The following ZKSCAN3 variants were observed in gnomAD, a reference collection of about 807,000 sequenced individuals.
The protein encoded by ZKSCAN3 is zinc finger protein with KRAB and SCAN domains 3.
In ZKSCAN3, 21 loss-of-function variants were observed where a neutral mutation model predicts 30.7. The ratio of observed to expected loss-of-function variants is 0.68; its 90% CI spans 0.49 to 0.99. The LOEUF (loss-of-function observed/expected upper bound fraction) is 0.99. ZKSCAN3 is among the 50% of genes least tolerant of loss of function. The pLI, the probability that ZKSCAN3 is intolerant of heterozygous loss-of-function variation, is 0.00. For missense variants in ZKSCAN3, 507 were observed against 647.1 expected, an observed-to-expected ratio of 0.78 and a Z score of 2.35; for synonymous variants, 201 against 246.7, an observed-to-expected ratio of 0.81 and a Z score of 1.73.
At chr6:28,356,719 C>T (rs1289499416) in intron 1 of ZKSCAN3, among the ~76,000 whole-genome samples, 1 of 152,244 alleles carries the variant, frequency 6.6e-6, no homozygotes, top group Non-Finnish European at 1.5e-5. Context: ...TTGGCAAAGG[C>T]ACACTCCTTC....
rs1335915742 is a variant in ZKSCAN3, at chr6:28,363,682, A to G, written c.634-10A>G. The G allele has an allele frequency of 3.1e-6, 5 of 1,613,808 alleles. No individual in the cohort carries two copies. Among genetic ancestry groups the G allele is most frequent in the South Asian group, 1.1e-5 (1 of 91,066 alleles). ...AGCCCCTTCTTCAATGGGATTACCTATTGTTTTAGGGGTTGTTGAAAGTGG... is the reference window on the plus strand; with the variant it reads ...AGCCCCTTCTTCAATGGGATTACCTGTTGTTTTAGGGGTTGTTGAAAGTGG... On this transcript the variant is annotated splice_polypyrimidine_tract_variant and intron_variant, in intron 4 of 5. Transcript: ENST00000252211.
chr6:28,358,601 A>G (rs1765573512), intron 1 of ZKSCAN3, among the ~76,000 whole-genome samples: 1 of 152,140 alleles, frequency 6.6e-6, no homozygotes, highest in East Asian at 1.9e-4. Flanking sequence ...TTAAAACAAA[A>G]TCTGGGCTGC....
rs1351551065 is a variant in ZKSCAN3, at chr6:28,367,425, C to T, written c.*1140C>T. The stretch of plus-strand genomic sequence containing the variant: ...CTCACCCTCTCAAGTACTGGAATTA[C>T]AGGCGTGAGCCACCATACCCAGCCC... On this transcript the variant is annotated 3_prime_UTR_variant, in exon 6 of 6. Coordinates refer to ENST00000252211, the MANE Select transcript of ZKSCAN3 (RefSeq NM_024493.4). The T allele has an allele frequency of 1.3e-5, 2 of 149,944 alleles. No homozygotes were observed. Among genetic ancestry groups the T allele is most frequent in the Non-Finnish European group, 1.5e-5 (1 of 67,710 alleles). 9.3% of individuals were successfully genotyped at this position (149,944 alleles called of 1,614,324 possible).
chr6:28,351,101 A>C lies in ZKSCAN3; in HGVS notation c.-63+1034A>C, dbSNP rs1046699909. ...GGGTTAGCTCTTTCATAGACTTGTA[A>C]CTCTTTTCTGTTAATGAGAAACTTT... On this transcript the variant is annotated intron_variant, in intron 1 of 5. Transcript: ENST00000252211. This position sits in a 1 kb window ranked among gnomAD's most constrained non-coding sequence, Gnocchi z 4.6. 2.0e-5 allele frequency among the ~76,000 whole-genome samples: 3 copies of C among 151,896 alleles called. No homozygotes were observed. The highest frequency in any genetic ancestry group is 7.3e-5 in the African/African-American group (3 of 41,338).
chr6:28,365,954 G>T lies in ZKSCAN3; in HGVS notation c.1286G>T (p.Ser429Ile). ...ACTGGGGAGAAGCCGTATCAGTGCA[G>T]TATGTGTGGCAAAGCCTTTAGGCGA... ...IHTGEKPYQC[S>I]MCGKAFRRSS... Residue 429 changes from serine (S) to isoleucine (I), a missense_variant, in exon 6 of 6, where the codon AGT becomes ATT. By Grantham distance (142) the Ser-to-Ile change is moderately radical. Transcript: ENST00000252211. The T allele has an allele frequency of 6.2e-7, 1 of 1,614,080 alleles. No individual in the cohort carries two copies. The highest frequency in any genetic ancestry group is 1.1e-5 in the South Asian group (1 of 91,076).
At chr6:28,360,027 G>C in intron 2 of ZKSCAN3, 39 bp downstream of exon 2, 1 of 1,614,182 alleles carries the variant, frequency 6.2e-7, no homozygotes, top group South Asian at 1.1e-5. Flanking sequence ...GCTGTGGCCT[G>C]TTTCCTCCTG....
At chr6:28,359,353 G>A (rs1012398895) in intron 1 of ZKSCAN3, among the ~76,000 whole-genome samples, 172 bp from the exon 2 acceptor site, 1 of 152,058 alleles carries the variant, frequency 6.6e-6, no homozygotes, top group Non-Finnish European at 1.5e-5. Context: ...ACATCCTTTG[G>A]GAACCTTACT....
intron 1 of ZKSCAN3, among the ~76,000 whole-genome samples, chr6:28,353,682 A>T (rs997725224): frequency 2.6e-5 from 4 of 152,188 alleles, no homozygotes; most frequent in African/African-American, 7.2e-5. Flanking sequence ...CAGGATAGGG[A>T]TCAGGAGTCT....
intron 1 of ZKSCAN3, among the ~76,000 whole-genome samples, chr6:28,358,899 G>GAAAAAAAAAAAAAAAAAA (rs201554097): frequency 9.4e-6 from 1 of 106,076 alleles, no homozygotes. Flanking sequence ...AAACAAATAA[G>GAAAAAAAAAAAAAAAAAA]AAAAAAAAAA....
At chr6:28,362,746 A>G (rs1292496110) in intron 3 of ZKSCAN3, among the ~76,000 whole-genome samples, 1 of 152,186 alleles carries the variant, frequency 6.6e-6, no homozygotes, top group South Asian at 2.1e-4. Flanking sequence ...TTGAATTTCC[A>G]TACGTTGTAT....
At chr6:28,360,438 G>T in intron 2 of ZKSCAN3, 1 of 410,276 alleles carries the variant, frequency 2.4e-6, no homozygotes, top group Non-Finnish European at 3.3e-6. Flanking sequence ...ATTCATAATT[G>T]GAAGGAAATG....
In ZKSCAN3 at chr6:28,367,575, A is replaced by T. The variant is rs903545850; in HGVS notation, c.*1290A>T. 4 of 152,222 alleles carry T rather than the reference A, an allele frequency of 2.6e-5. No homozygotes were observed. Among genetic ancestry groups the T allele is most frequent in the African/African-American group, 9.6e-5 (4 of 41,452 alleles). 9.4% of individuals were successfully genotyped at this position (152,222 alleles called of 1,614,324 possible). A position where few individuals can be genotyped will look rare whatever the true frequency, so the allele number is the denominator to read the frequency against. On this transcript the variant is annotated 3_prime_UTR_variant, in exon 6 of 6. Coordinates refer to ENST00000252211, the MANE Select transcript of ZKSCAN3 (RefSeq NM_024493.4). ...TGAATATTCTAATGCTCAGTATCTT[A>T]GTTCTCTCGGGCCTAACCAATGCCT...
intron 1 of ZKSCAN3, among the ~76,000 whole-genome samples, chr6:28,352,971 TTTTTTTTTTTG>T (rs1765156008): frequency 6.9e-6 from 1 of 145,150 alleles, no homozygotes; most frequent in African/African-American, 2.8e-5. Flanking sequence ...TTTCTTTTTT[TTTTTTTTTTTG>T]AGGCAGAGTC....
At chr6:28,364,536 G>A (rs1174923054) in intron 5 of ZKSCAN3, among the ~76,000 whole-genome samples, 2 of 152,182 alleles carry the variant, frequency 1.3e-5, no homozygotes, top group Non-Finnish European at 2.9e-5. Flanking sequence ...CAGAGATGAA[G>A]GTGCAGAGGC....
In ZKSCAN3 at chr6:28,365,933, G is replaced by A; in HGVS notation, c.1265G>A (p.Gly422Glu). Residue 422 changes from glycine (G) to glutamate (E), a missense_variant, in exon 6 of 6, where the codon GGG becomes GAG. Physicochemically the swap from Gly to Glu is moderately conservative, Grantham distance 98. Coordinates refer to ENST00000252211, the MANE Select transcript of ZKSCAN3 (RefSeq NM_024493.4). ...SLLEHHRIHT[G>E]EKPYQCSMCG... ...CTTGAACATCACAGAATCCACACTG[G>A]GGAGAAGCCGTATCAGTGCAGTATG... is the stretch of plus-strand genomic sequence containing the variant. 1 of 1,613,928 alleles carries A rather than the reference G, an allele frequency of 6.2e-7. No individual in the cohort carries two copies. The highest frequency in any genetic ancestry group is 8.5e-7 in the Non-Finnish European group (1 of 1,179,876).
At chr6:28,352,395 G>GCT (rs1285547959) in intron 1 of ZKSCAN3, among the ~76,000 whole-genome samples, 2 of 152,132 alleles carry the variant, frequency 1.3e-5, no homozygotes, top group Admixed American at 1.3e-4. Flanking sequence ...TGGGATTACA[G>GCT]GTGTGTACCA....
In ZKSCAN3 at chr6:28,351,880, C is replaced by A. The variant is rs956659366; in HGVS notation, c.-63+1813C>A. Among the ~76,000 whole-genome samples the A allele has an allele frequency of 6.6e-6, 1 of 152,020 alleles. No individual in the cohort carries two copies. The highest frequency in any genetic ancestry group is 2.4e-5 in the African/African-American group (1 of 41,398). On this transcript the variant is annotated intron_variant, in intron 1 of 5. Coordinates refer to ENST00000252211, the MANE Select transcript of ZKSCAN3 (RefSeq NM_024493.4). The surrounding 1 kb of genome is among the most constrained non-coding windows in gnomAD (Gnocchi z 4.6). ...ATTTCTTATATACAGGGACTTTTAT[C>A]TTAATATAATCATAGTATCATGATC...
At position 28,359,575 on chromosome 6, in the gene ZKSCAN3, C is replaced by T. The variant is rs778013796; in HGVS notation, c.-12C>T. 6.2e-7 allele frequency: 1 copy of T among 1,611,736 alleles called. No homozygotes were observed. The highest frequency in any genetic ancestry group is 8.5e-7 in the Non-Finnish European group (1 of 1,178,234). On this transcript the variant is annotated 5_prime_UTR_variant, in exon 2 of 6. Coordinates refer to ENST00000252211, the MANE Select transcript of ZKSCAN3 (RefSeq NM_024493.4). ...AAGCTAGAGTGAGGCCTGAGTACTG[C>T]CTTGGCCTAGGATGGCTAGAGAATT...
intron 2 of ZKSCAN3, 29 bp from the exon 3 acceptor site, chr6:28,361,295 A>G (rs1414102691): frequency 1.2e-6 from 2 of 1,607,226 alleles, no homozygotes; most frequent in Non-Finnish European, 1.7e-6. Flanking sequence ...TTTGATGAAA[A>G]CATGAAAATA....
Sources: allele counts gnomAD v4.1 joint callset (sites outside exome capture counted in the v4.1 genomes callset), GRCh38; gene constraint gnomAD v4.1.1; non-coding constraint Gnocchi (gnomAD v3.1); transcripts MANE v1.5; gene names NCBI Gene and HGNC (gene_info 2026-07-23, HGNC 2026-07-21).